The following CALCR variants were observed in gnomAD, a reference collection of about 807,000 sequenced individuals.
CALCR encodes calcitonin receptor.
Under a neutral mutation model 59.5 loss-of-function variants are expected in CALCR, and 47 were observed. The observed-to-expected ratio is 0.79, with a 90% confidence interval of 0.63 to 1.01. The LOEUF (loss-of-function observed/expected upper bound fraction) is 1.01. Ranked by LOEUF, CALCR falls within the 50% of genes least tolerant of loss-of-function variation. CALCR has a pLI of 0.00. For synonymous variants in CALCR, 213 were observed against 211.3 expected, an observed-to-expected ratio of 1.01 and a Z score of -0.07; for missense variants, 566 against 597.1, an observed-to-expected ratio of 0.95 and a Z score of 0.54.
At chr7:93,434,752 A>G (rs1799739012) in intron 12 of CALCR, among the ~76,000 whole-genome samples, 1 of 152,162 alleles carries the variant, frequency 6.6e-6, no homozygotes, top group African/African-American at 2.4e-5. Context: ...CGCCAAGTTC[A>G]TCGCTCAGAT....
intron 3 of CALCR, chr7:93,482,735 G>C (rs755768364): frequency 3.8e-6 from 2 of 531,774 alleles, no homozygotes; most frequent in South Asian, 1.4e-5. Context: ...TATACGAGTA[G>C]TTATAATTCA....
intron 2 of CALCR, among the ~76,000 whole-genome samples, chr7:93,524,340 T>C (rs1381271011): frequency 6.6e-6 from 1 of 151,918 alleles, no homozygotes; most frequent in Non-Finnish European, 1.5e-5. Flanking sequence ...CGGCTAATTT[T>C]TTGGTATTTT....
chr7:93,533,221 C>T (rs540311096), intron 2 of CALCR, among the ~76,000 whole-genome samples: 6 of 151,868 alleles, frequency 4.0e-5, no homozygotes, highest in African/African-American at 7.2e-5. Context: ...AAGAACATGT[C>T]GACAATATTA....
At chr7:93,518,434 C>T (rs902098331) in intron 2 of CALCR, among the ~76,000 whole-genome samples, 5 of 151,964 alleles carry the variant, frequency 3.3e-5, no homozygotes, top group Admixed American at 3.3e-4. Flanking sequence ...TAATTCTATT[C>T]ATATTTAAAT....
chr7:93,569,551 G>A (rs1789952505), intron 2 of CALCR, among the ~76,000 whole-genome samples: 2 of 152,088 alleles, frequency 1.3e-5, no homozygotes, highest in African/African-American at 4.8e-5. Context: ...TGTCCGGGCT[G>A]GTTGTCCGGC....
At position 93,426,304 on chromosome 7, in the gene CALCR, T is replaced by C; in HGVS notation, c.*52A>G. On this transcript the variant is annotated 3_prime_UTR_variant, in exon 14 of 14. Transcript: ENST00000426151. ...GGAGAATACTTTAAATGCATGGTCTTTCTCCCAGGAAATGATGGCTCAGTG... is the reference window on the plus strand; with the variant it reads ...GGAGAATACTTTAAATGCATGGTCTCTCTCCCAGGAAATGATGGCTCAGTG... The C allele has an allele frequency of 9.8e-7, 1 of 1,018,012 alleles. No individual in the cohort carries two copies. The allele number at this position is 1,018,012 out of a possible 1,614,324, so 63.1% of individuals were successfully genotyped here.
chr7:93,528,276 A>G (rs1348997839), intron 2 of CALCR, among the ~76,000 whole-genome samples: 1 of 152,194 alleles, frequency 6.6e-6, no homozygotes, highest in Admixed American at 6.6e-5. Flanking sequence ...TTTCTGAGAA[A>G]TTTAAAATTT....
chr7:93,532,545 A>G, intron 2 of CALCR, among the ~76,000 whole-genome samples: 1 of 152,052 alleles, frequency 6.6e-6, no homozygotes, highest in Non-Finnish European at 1.5e-5. Context: ...TGAGAAAGCT[A>G]CATAATTGCT....
Position 93,479,477 on chromosome 7 carries a change from T to G in CALCR, c.82A>C (p.Asn28His). 1 of 1,612,470 alleles carries G rather than the reference T, an allele frequency of 6.2e-7. No homozygotes were observed. The change falls in exon 4 of 14, where the codon AAT becomes CAT. Residue 28 changes from asparagine (N) to histidine (H), a missense_variant. Physicochemically the swap from Asn to His is moderately conservative, Grantham distance 68. Coordinates refer to ENST00000426151, the MANE Select transcript of CALCR (RefSeq NM_001742.4). Reference sequence around the variant, plus strand: ...GGCTCTATTGTTGGATAGGTTTGATTTGAAAAGGCAGGAAGAATTGGGGTT... The same window carrying G: ...GGCTCTATTGTTGGATAGGTTTGATGTGAAAAGGCAGGAAGAATTGGGGTT... ...HPTPILPAFSNQTYPTIEPKP... is the reference protein window; with the variant it reads ...HPTPILPAFSHQTYPTIEPKP...
chr7:93,483,356 A>G (rs1489937822), intron 3 of CALCR, among the ~76,000 whole-genome samples: 2 of 151,476 alleles, frequency 1.3e-5, no homozygotes, highest in East Asian at 2.0e-4. Flanking sequence ...TTTTCTATCC[A>G]AGATTGGTTC....
intron 7 of CALCR, among the ~76,000 whole-genome samples, chr7:93,464,576 T>G (rs1456921396): frequency 2.0e-5 from 3 of 152,004 alleles, no homozygotes; most frequent in Non-Finnish European, 4.4e-5. Context: ...ATATTATATA[T>G]CTTCCCTATT....
In CALCR at chr7:93,487,007, C is replaced by A; in HGVS notation, c.-26G>T. ...TTTTGATTTTTGAAGATCTCTTTGT[C>A]CTAGAAAAATATAAAAGCAACAAAG... is the stretch of plus-strand genomic sequence containing the variant. On this transcript the variant is annotated splice_region_variant and 5_prime_UTR_variant, in exon 3 of 14. Transcript: ENST00000426151. The A allele has an allele frequency of 6.6e-7, 1 of 1,526,546 alleles. No individual in the cohort carries two copies. Among genetic ancestry groups the A allele is most frequent in the Non-Finnish European group, 9.0e-7 (1 of 1,107,078 alleles). The allele number at this position is 1,526,546 out of a possible 1,614,324, so 94.6% of individuals were successfully genotyped here.
intron 3 of CALCR, 113 bp from the exon 4 acceptor site, chr7:93,479,620 T>C (rs764016846): frequency 1.7e-5 from 16 of 923,132 alleles, no homozygotes; most frequent in Non-Finnish European, 2.6e-5. Context: ...AAGCAATACT[T>C]ATTCATGGTC....
intron 2 of CALCR, among the ~76,000 whole-genome samples, chr7:93,529,596 G>A (rs1379669225): frequency 6.6e-6 from 1 of 152,010 alleles, no homozygotes; most frequent in Non-Finnish European, 1.5e-5. Flanking sequence ...TTTAAATCAG[G>A]TAGCCTATAG....
At chr7:93,557,297 TTA>T (rs367695341) in intron 2 of CALCR, among the ~76,000 whole-genome samples, 10 of 151,706 alleles carry the variant, frequency 6.6e-5, no homozygotes, top group East Asian at 5.8e-4. Context: ...CAAATTAATA[TTA>T]TATATATATT....
At chr7:93,532,838 C>CAAAAAAAAAAAAAAAAAAA (rs57128008) in intron 2 of CALCR, among the ~76,000 whole-genome samples, 16 of 95,678 alleles carry the variant, frequency 1.7e-4, no homozygotes, top group African/African-American at 7.0e-4. Context: ...ATGTCCAAAG[C>CAAAAAAAAAAAAAAAAAAA]AAAAAAAAAA....
rs374301063 is a variant in CALCR at position 93,526,890 on chromosome 7, T to C, written c.-26-39883A>G. Among the ~76,000 whole-genome samples the C allele has an allele frequency of 3.3e-5, 5 of 152,036 alleles. 1 individual carries two copies. The East Asian group carries it at 7.7e-4, about 23-fold the overall frequency. On this transcript the variant is annotated intron_variant, in intron 2 of 13. Coordinates refer to ENST00000426151, the MANE Select transcript of CALCR (RefSeq NM_001742.4). ...ACCAATTAAAAATAAAATTCTAGCT[T>C]TGGGTCACTCCACTCCATGAATACA...
At chr7:93,568,892 T>C (rs1035145243) in intron 2 of CALCR, among the ~76,000 whole-genome samples, 5 of 152,030 alleles carry the variant, frequency 3.3e-5, no homozygotes, top group Non-Finnish European at 2.9e-5. Flanking sequence ...TTTTTTTTCC[T>C]CCAAATTCAA....
intron 8 of CALCR, among the ~76,000 whole-genome samples, chr7:93,455,251 C>A (rs1035564788): frequency 2.0e-5 from 3 of 151,760 alleles, no homozygotes; most frequent in African/African-American, 4.8e-5. Flanking sequence ...AAAACATATG[C>A]CCGAATTACT....
Sources: gnomAD v4.1 joint callset for allele counts (sites outside exome capture counted in the v4.1 genomes callset) on GRCh38, gnomAD v4.1.1 for gene constraint, MANE v1.5 for transcripts, NCBI Gene and HGNC (gene_info 2026-07-23, HGNC 2026-07-21) for gene names.